Variants in ATF7IP2 observed in about 807,000 individuals in gnomAD.
ATF7IP2 encodes activating transcription factor 7-interacting protein 2.
ATF7IP2 carries 42 observed loss-of-function variants against 64.2 expected under a neutral mutation model. The observed-to-expected ratio is 0.65, with a 90% CI of 0.51 to 0.85. ATF7IP2 has a LOEUF of 0.85. ATF7IP2 is among the 40% of genes least tolerant of loss of function. The pLI is 0.00. For missense variants in ATF7IP2, 933 were observed against 784.2 expected (o/e 1.19, Z -2.27); for synonymous variants, 308 against 272.8 (o/e 1.13, Z -1.27).
chr16:10,438,327 C>T, intron 7 of ATF7IP2, 92 bp downstream of exon 7: 1 of 1,316,606 alleles, frequency 7.6e-7, no homozygotes, highest in Middle Eastern at 2.4e-4. Context: ...TCACTGCAGC[C>T]TCTGCCTTCT....
intron 3 of ATF7IP2, among the ~76,000 whole-genome samples, chr16:10,427,483 G>T (rs919391513): frequency 4.6e-5 from 7 of 152,130 alleles, no homozygotes; most frequent in African/African-American, 1.4e-4. Flanking sequence ...AGTTGAACAT[G>T]GATACCTTTT....
At chr16:10,462,104 T>C (rs895802509) in intron 9 of ATF7IP2, among the ~76,000 whole-genome samples, 32 of 152,164 alleles carry the variant, frequency 2.1e-4, no homozygotes, top group African/African-American at 7.5e-4. Flanking sequence ...GATAATGATA[T>C]GTATTCTTTA....
At chr16:10,439,601 C>G (rs1433067405) in intron 7 of ATF7IP2, among the ~76,000 whole-genome samples, 2 of 141,052 alleles carry the variant, frequency 1.4e-5, no homozygotes, top group African/African-American at 2.7e-5. Flanking sequence ...CGTGTGATCT[C>G]AGCTCACTGC....
chr16:10,471,261 C>T (rs762221771), intron 9 of ATF7IP2, among the ~76,000 whole-genome samples: 11 of 152,192 alleles, frequency 7.2e-5, no homozygotes, highest in Admixed American at 3.9e-4. Context: ...GGCGCAGTGG[C>T]TCACACCTGT....
chr16:10,442,886 T>A (rs2048676374), intron 8 of ATF7IP2, among the ~76,000 whole-genome samples: 11 of 152,230 alleles, frequency 7.2e-5, no homozygotes, highest in Admixed American at 7.2e-4. Flanking sequence ...TTATTAACAG[T>A]TACCCACCAG....
rs1272193510 is a variant in ATF7IP2, at chr16:10,387,111, G to GT, written c.-242+994dup. On this transcript the variant is annotated intron_variant, in intron 1 of 13. Coordinates refer to ENST00000562102, the MANE Select transcript of ATF7IP2 (RefSeq NM_001393719.1). Reference sequence around the variant, plus strand: ...TTATTCTAGATTGCGACTTAATACTGTTTTTATTATGATTTTGTCATATTT... The same window carrying GT: ...TTATTCTAGATTGCGACTTAATACTGTTTTTTATTATGATTTTGTCATATTT... The GT allele has an allele frequency of 3.3e-5, 5 of 152,260 alleles. No homozygotes were observed. In the South Asian group the frequency reaches 1.0e-3, roughly 32 times the overall value. The allele number at this position is 152,260 out of a possible 1,614,324, so 9.4% of individuals were successfully genotyped here.
chr16:10,404,762 C>T (rs928752700), intron 1 of ATF7IP2, among the ~76,000 whole-genome samples: 8 of 151,772 alleles, frequency 5.3e-5, no homozygotes, highest in African/African-American at 1.7e-4. Context: ...CTCCTGGCCT[C>T]GAACTCCTGG....
intron 1 of ATF7IP2, among the ~76,000 whole-genome samples, chr16:10,401,236 C>T (rs528103820): frequency 2.0e-5 from 3 of 150,180 alleles, no homozygotes; most frequent in Non-Finnish European, 4.5e-5. Context: ...GGTGTGATCT[C>T]GGCTCACTGC....
intron 1 of ATF7IP2, among the ~76,000 whole-genome samples, chr16:10,409,949 C>T (rs1335511903): frequency 6.6e-6 from 1 of 152,110 alleles, no homozygotes; most frequent in Non-Finnish European, 1.5e-5. Flanking sequence ...ATTTTTATAC[C>T]AGTAGCATGC....
intron 8 of ATF7IP2, chr16:10,445,221 G>T (rs1279080199): frequency 6.6e-6 from 1 of 152,172 alleles, no homozygotes; most frequent in African/African-American, 2.4e-5. Context: ...TTCATGAGAG[G>T]TTTGGATAAC....
chr16:10,402,886 C>T (rs74648299), intron 1 of ATF7IP2, among the ~76,000 whole-genome samples: 1,653 of 144,084 alleles, frequency 0.011, 20 homozygotes, highest in African/African-American at 0.03. Flanking sequence ...CCAGCCTCAA[C>T]GACACAGCGA....
At chr16:10,404,377 C>A (rs531957339) in intron 1 of ATF7IP2, among the ~76,000 whole-genome samples, 2 of 152,106 alleles carry the variant, frequency 1.3e-5, no homozygotes, top group African/African-American at 4.8e-5. Flanking sequence ...CTCAGCCTCC[C>A]GAGTAGCTGG....
chr16:10,400,792 A>T (rs1244241476), intron 1 of ATF7IP2, among the ~76,000 whole-genome samples: 1 of 151,892 alleles, frequency 6.6e-6, no homozygotes, highest in African/African-American at 2.4e-5. Flanking sequence ...AGTGATTCTT[A>T]TGCCTCAGCC....
In ATF7IP2 at chr16:10,440,451, G is replaced by T; in HGVS notation, c.1183G>T (p.Gly395Ter). 6.5e-7 allele frequency: 1 copy of T among 1,536,442 alleles called. No individual in the cohort carries two copies. Among genetic ancestry groups the T allele is most frequent in the Non-Finnish European group, 8.8e-7 (1 of 1,133,392 alleles). ...CLKPNMLSSN[G>*]ASKVANSEAM... ...GAAACCAAACATGTTATCCAGTAAT[G>T]GAGCCTCTAAGGTTTGTATAAACAC... is the stretch of plus-strand genomic sequence containing the variant. Residue 395 changes from glycine to a stop codon, truncating the protein, a stop_gained, in exon 8 of 14, where the codon GGA (glycine) becomes TGA (stop). Transcript: ENST00000562102. LOFTEE classifies it high-confidence loss of function.
At chr16:10,451,407 T>C (rs1000327443) in intron 8 of ATF7IP2, among the ~76,000 whole-genome samples, 1 of 152,134 alleles carries the variant, frequency 6.6e-6, no homozygotes, top group African/African-American at 2.4e-5. Flanking sequence ...TCCTGAAGAG[T>C]GTTTTCTAAC....
intron 1 of ATF7IP2, among the ~76,000 whole-genome samples, chr16:10,407,837 A>G (rs1363530583): frequency 6.6e-6 from 1 of 151,522 alleles, no homozygotes; most frequent in Non-Finnish European, 1.5e-5. Context: ...TTAGGCCTTT[A>G]CATTCTCATA....
At chr16:10,480,471 T>C (rs2050181991) in intron 12 of ATF7IP2, among the ~76,000 whole-genome samples, 1 of 152,010 alleles carries the variant, frequency 6.6e-6, no homozygotes, top group African/African-American at 2.4e-5. Flanking sequence ...ACCTCATTAG[T>C]TGAGATTTCT....
chr16:10,469,076 C>T (rs772941565), intron 9 of ATF7IP2, among the ~76,000 whole-genome samples: 1 of 152,138 alleles, frequency 6.6e-6, no homozygotes, highest in Non-Finnish European at 1.5e-5. Flanking sequence ...CATTACCCAA[C>T]AGCATAAATT....
intron 1 of ATF7IP2, among the ~76,000 whole-genome samples, chr16:10,398,053 C>G (rs372314836): frequency 6.6e-6 from 1 of 151,712 alleles, no homozygotes; most frequent in African/African-American, 2.4e-5. Context: ...GCTTGTAATC[C>G]CAGCACTTTG....
Sources: gnomAD v4.1 joint callset for allele counts (sites outside exome capture counted in the v4.1 genomes callset) on GRCh38, gnomAD v4.1.1 for gene constraint, MANE v1.5 for transcripts, NCBI Gene and HGNC (gene_info 2026-07-23, HGNC 2026-07-21) for gene names.